Variants in MEMO1 observed in about 807,000 individuals in gnomAD.
The protein encoded by MEMO1 is protein MEMO1.
A neutral mutation model predicts 45.2 loss-of-function variants in MEMO1; 6 were observed. The observed-to-expected ratio is 0.13, with a 90% confidence interval of 0.07 to 0.26. The LOEUF (loss-of-function observed/expected upper bound fraction) is 0.26, where lower values mean the gene tolerates loss of function less well. MEMO1 is among the 10% of genes least tolerant of loss of function. The pLI is 1.00. For missense variants in MEMO1, 184 were observed against 370.5 expected, an observed-to-expected ratio of 0.50 and a Z score of 4.13; for synonymous variants, 78 against 124.3, an observed-to-expected ratio of 0.63 and a Z score of 2.48.
chr2:31,895,546 C>T (rs1419895217), intron 6 of MEMO1, among the ~76,000 whole-genome samples: 2 of 152,094 alleles, frequency 1.3e-5, no homozygotes, highest in African/African-American at 4.8e-5. Context: ...AGGAAACAGT[C>T]TGTGAAATTA....
rs1432504486 is a variant in MEMO1, at chr2:31,868,103, G to A, written c.*258C>T. On this transcript the variant is annotated 3_prime_UTR_variant, in exon 10 of 10. Coordinates refer to ENST00000404530, the MANE Select transcript of MEMO1 (RefSeq NM_001301833.4). ...TTTCAAAAAACTGTCTGCCACAACT[G>A]AGCCTTTACATTGTCATCTTTTTTG... is the stretch of plus-strand genomic sequence containing the variant. 8.8e-6 allele frequency: 3 copies of A among 340,676 alleles called. No homozygotes were observed. The highest frequency in any genetic ancestry group is 1.5e-5 in the Non-Finnish European group (3 of 204,422). The allele number at this position is 340,676 out of a possible 1,614,324, so 21.1% of individuals were successfully genotyped here.
chr2:31,888,847 G>A (rs1432873624), intron 7 of MEMO1, among the ~76,000 whole-genome samples: 1 of 151,938 alleles, frequency 6.6e-6, no homozygotes, highest in Non-Finnish European at 1.5e-5. Flanking sequence ...TGGAATCTAG[G>A]TTCCTGTCTC....
chr2:31,875,246 T>G (rs984821997), intron 8 of MEMO1, among the ~76,000 whole-genome samples: 3 of 152,148 alleles, frequency 2.0e-5, no homozygotes, highest in African/African-American at 7.2e-5. Flanking sequence ...TTTTTAAAAT[T>G]ATGTTCCAGT....
chr2:31,969,857 A>T (rs1018553962), intron 2 of MEMO1, among the ~76,000 whole-genome samples: 1 of 151,936 alleles, frequency 6.6e-6, no homozygotes, highest in African/African-American at 2.4e-5. Flanking sequence ...TGGCCCCCCA[A>T]AATGCTGGGA....
At chr2:31,965,070 G>C (rs956683501) in intron 2 of MEMO1, among the ~76,000 whole-genome samples, 1 of 151,932 alleles carries the variant, frequency 6.6e-6, no homozygotes, top group Non-Finnish European at 1.5e-5. Context: ...AAAATTAGTC[G>C]GGAGTGGTGG....
At chr2:31,892,329 T>C (rs1467463283) in intron 6 of MEMO1, among the ~76,000 whole-genome samples, 195 bp from the exon 7 acceptor site, 4 of 152,098 alleles carry the variant, frequency 2.6e-5, no homozygotes, top group African/African-American at 9.7e-5. Context: ...ATATGAGTCA[T>C]ACAGAATACT....
At chr2:32,010,526 C>G in intron 1 of MEMO1, 1 of 294,202 alleles carries the variant, frequency 3.4e-6, no homozygotes, top group Non-Finnish European at 6.6e-6. Context: ...CACCGAAGCC[C>G]GGAAAGCCCT....
chr2:31,928,139 A>C (rs2148225546), intron 4 of MEMO1, among the ~76,000 whole-genome samples: 1 of 152,336 alleles, frequency 6.6e-6, no homozygotes, highest in Non-Finnish European at 1.5e-5. Flanking sequence ...CTTTGCTACC[A>C]ATTCTTCATA....
chr2:31,937,846 A>G (rs536988394), intron 3 of MEMO1, among the ~76,000 whole-genome samples: 16 of 152,322 alleles, frequency 1.1e-4, no homozygotes, highest in African/African-American at 3.8e-4. Context: ...TTTTATATTT[A>G]ATAAGTTTCT....
intron 2 of MEMO1, among the ~76,000 whole-genome samples, chr2:31,971,858 T>TA (rs1409675198): frequency 6.6e-6 from 1 of 152,098 alleles, no homozygotes; most frequent in African/African-American, 2.4e-5. Flanking sequence ...TAATCCCAGC[T>TA]GCTCGGGAGG....
intron 2 of MEMO1, among the ~76,000 whole-genome samples, chr2:31,960,691 T>A (rs1667912241): frequency 6.6e-6 from 1 of 152,084 alleles, no homozygotes; most frequent in African/African-American, 2.4e-5. Flanking sequence ...GTTCAAGCAA[T>A]TCTTGTGCCT....
Position 31,952,068 on chromosome 2 carries a change from C to CACAGCAAGTCTGTG in MEMO1, c.62-8686_62-8685insCACAGACTTGCTGT, listed in dbSNP as rs1226175354. On this transcript the variant is annotated intron_variant, in intron 2 of 9. Transcript: ENST00000404530. ...GCACCTTAGGGAGTGCAAGAACTGT[C>CACAGCAAGTCTGTG]ACAGCAAGTCTGATCCAAAACCTAT... Among the ~76,000 whole-genome samples the CACAGCAAGTCTGTG allele has an allele frequency of 7.2e-5, 11 of 152,188 alleles. No individual in the cohort carries two copies. The East Asian group carries it at 1.9e-3, about 27-fold the overall frequency.
intron 5 of MEMO1, 74 bp downstream of exon 5, chr2:31,920,724 T>G (rs1043960976): frequency 1.2e-6 from 1 of 818,432 alleles, no homozygotes; most frequent in Non-Finnish European, 1.8e-6. Context: ...TATTCATAAG[T>G]TTTTAAATTA....
At chr2:31,977,024 T>C (rs1670080913) in intron 2 of MEMO1, among the ~76,000 whole-genome samples, 1 of 152,076 alleles carries the variant, frequency 6.6e-6, no homozygotes, top group Admixed American at 6.6e-5. Flanking sequence ...AGGTAGGATA[T>C]ATACAGCACC....
chr2:31,924,163 G>A (rs1056258925), intron 4 of MEMO1, among the ~76,000 whole-genome samples: 1 of 152,014 alleles, frequency 6.6e-6, no homozygotes, highest in African/African-American at 2.4e-5. Flanking sequence ...TCATTGAAAG[G>A]AAAGTAAAAT....
intron 2 of MEMO1, among the ~76,000 whole-genome samples, chr2:31,965,625 T>C (rs1668528321): frequency 6.6e-6 from 1 of 152,140 alleles, no homozygotes; most frequent in Non-Finnish European, 1.5e-5. Context: ...AGTTTCCTTA[T>C]CTATAAAAAT....
chr2:31,905,865 C>T (rs750233616), intron 6 of MEMO1, among the ~76,000 whole-genome samples: 5 of 152,196 alleles, frequency 3.3e-5, no homozygotes, highest in African/African-American at 7.2e-5. Context: ...TGCCTTGGTT[C>T]AAAGCCCCCA....
intron 5 of MEMO1, among the ~76,000 whole-genome samples, chr2:31,919,472 C>T (rs1290594681): frequency 6.6e-6 from 1 of 151,966 alleles, no homozygotes; most frequent in Non-Finnish European, 1.5e-5. Context: ...TTATTCTATA[C>T]AAGAAATTTC....
rs1021591417 is a variant in MEMO1 at position 31,887,023 on chromosome 2, CA to C, written c.581-3562del. Among the ~76,000 whole-genome samples the C allele has an allele frequency of 9.2e-5, 14 of 152,250 alleles. 1 individual carries two copies. The highest frequency in any genetic ancestry group is 8.5e-4 in the Admixed American group (13 of 15,286). The stretch of plus-strand genomic sequence containing the variant: ...AACCCAAGAAAAAAATCCTGTAAAG[CA>C]GAAACCTTACTCTTTGAGGGAAGGA... On this transcript the variant is annotated intron_variant, in intron 7 of 9. Transcript: ENST00000404530.
Sources: gnomAD v4.1 joint callset for allele counts (sites outside exome capture counted in the v4.1 genomes callset) on GRCh38, gnomAD v4.1.1 for gene constraint, MANE v1.5 for transcripts, NCBI Gene and HGNC (gene_info 2026-07-23, HGNC 2026-07-21) for gene names.